The following MROH7 variants were observed in gnomAD, a reference collection of about 807,000 sequenced individuals.
The protein encoded by MROH7 is maestro heat-like repeat-containing protein family member 7.
MROH7 carries 113 observed loss-of-function variants against 129.2 expected under a neutral mutation model. The ratio of observed to expected loss-of-function variants is 0.87; its 90% CI spans 0.75 to 1.02. The LOEUF is 1.02. Among genes scored for constraint, MROH7 ranks in the 50% least tolerant of loss-of-function variants. The pLI, the probability that MROH7 is intolerant of heterozygous loss-of-function variation, is 0.00. For missense variants in MROH7, 1,601 were observed against 1,671.3 expected, an observed-to-expected ratio of 0.96 and a Z score of 0.73; for synonymous variants, 655 against 667.9, an observed-to-expected ratio of 0.98 and a Z score of 0.30.
intron 8 of MROH7, 55 bp from the exon 9 acceptor site, chr1:54,673,646 G>A: frequency 7.2e-7 from 1 of 1,382,524 alleles, no homozygotes; most frequent in Non-Finnish European, 1.0e-6. Flanking sequence ...TGTCCACCCA[G>A]CAGCAGGGGC....
At chr1:54,701,382 TG>T in intron 19 of MROH7, 60 bp downstream of exon 19, 1 of 1,424,016 alleles carries the variant, frequency 7.0e-7, no homozygotes. Context: ...TTTACTACCT[TG>T]GGGGCTGCAT....
In MROH7 at chr1:54,699,159, T is replaced by TTTCTTTCTTTTCTTTC. The variant is rs71048705; in HGVS notation, c.2965-1160_2965-1159insCTTTCTTTTCTTTCTT. 4.1e-3 allele frequency: 271 copies of TTTCTTTCTTTTCTTTC among 65,838 alleles called. 1 individual carries two copies. Among genetic ancestry groups the TTTCTTTCTTTTCTTTC allele is most frequent in the Middle Eastern group, 0.019 (2 of 106 alleles). 4.1% of individuals were successfully genotyped at this position (65,838 alleles called of 1,614,324 possible). ...CTTTCTTTCTTTCTTTCTTTCTTTCTTTTCTTTCTTTCTTTCTTTCTTTCT... is the reference window on the plus strand; with the variant it reads ...CTTTCTTTCTTTCTTTCTTTCTTTCTTTCTTTCTTTTCTTTCTTTCTTTCTTTCTTTCTTTCTTTCT... On this transcript the variant is annotated intron_variant, in intron 17 of 23. Transcript: ENST00000421030.
chr1:54,688,674 G>A (rs1016525768), intron 15 of MROH7, among the ~76,000 whole-genome samples: 2 of 152,172 alleles, frequency 1.3e-5, no homozygotes, highest in African/African-American at 2.4e-5. Context: ...AGATAGGGTC[G>A]CATCCCAGCA....
Position 54,703,647 on chromosome 1 carries a change from T to TAC in MROH7, c.3564+916_3564+917dup, listed in dbSNP as rs762039993. ...AGCCGCGTGCATGTGCGCGCGCGCA[T>TAC]ACACACACACACACAAGCACAACTC... On this transcript the variant is annotated intron_variant, in intron 21 of 23. Transcript: ENST00000421030. This position sits in a 1 kb window ranked among gnomAD's most constrained non-coding sequence, Gnocchi z 4.4. 6.1e-4 allele frequency among the ~76,000 whole-genome samples: 92 copies of TAC among 151,658 alleles called. No individual in the cohort carries two copies. The highest frequency in any genetic ancestry group is 1.4e-3 in the Admixed American group (22 of 15,224).
At chr1:54,707,551 G>A (rs906391646) in intron 22 of MROH7, among the ~76,000 whole-genome samples, 1 of 152,176 alleles carries the variant, frequency 6.6e-6, no homozygotes, top group Non-Finnish European at 1.5e-5. Flanking sequence ...GAAGAAAAAT[G>A]CTCAGGACTG....
At chr1:54,681,628 G>C (rs1482311475) in intron 13 of MROH7, among the ~76,000 whole-genome samples, 1 of 152,206 alleles carries the variant, frequency 6.6e-6, no homozygotes, top group Non-Finnish European at 1.5e-5. Flanking sequence ...AAGGGGAAAG[G>C]TTTTTGTTAA....
At chr1:54,673,214 G>A (rs1284721791) in intron 8 of MROH7, 28 bp downstream of exon 8, 4 of 1,556,532 alleles carry the variant, frequency 2.6e-6, no homozygotes, top group Non-Finnish European at 2.7e-6. Flanking sequence ...GCAAGGAAGG[G>A]AGGGGAGGAA....
At chr1:54,659,598 C>T (rs534868690) in intron 3 of MROH7, among the ~76,000 whole-genome samples, 112 of 152,198 alleles carry the variant, frequency 7.4e-4, no homozygotes, top group African/African-American at 2.2e-3. Context: ...GAATTACAGG[C>T]GCTAGCCACC....
intron 4 of MROH7, 146 bp from the exon 5 acceptor site, chr1:54,668,708 C>G: frequency 1.6e-6 from 1 of 623,920 alleles, no homozygotes; most frequent in Non-Finnish European, 2.9e-6. Flanking sequence ...ACCCCAAGCT[C>G]CCCTTGTGGG....
Position 54,653,207 on chromosome 1 carries a change from TCCAGATCA to T in MROH7, c.286_293del (p.Ile96PhefsTer5), listed in dbSNP as rs764535178. On this transcript the variant is annotated frameshift_variant, in exon 3 of 24. Transcript: ENST00000421030. LOFTEE classifies it high-confidence loss of function. The stretch of plus-strand genomic sequence containing the variant: ...AGCAGAGCTATCGCTCCAGCCTCCC[TCCAGATCA>T]CCAGTTCTTGTTCTGGTGAAGCCCT... 3.1e-6 allele frequency: 5 copies of T among 1,614,130 alleles called. No individual in the cohort carries two copies. The highest frequency in any genetic ancestry group is 3.4e-6 in the Non-Finnish European group (4 of 1,180,014).
At chr1:54,642,119 A>G (rs1644397648) in intron 1 of MROH7, among the ~76,000 whole-genome samples, 151 bp downstream of exon 1, 1 of 152,164 alleles carries the variant, frequency 6.6e-6, no homozygotes, top group Non-Finnish European at 1.5e-5. Flanking sequence ...TGGGGAAAGA[A>G]GAGTCTTGGA....
chr1:54,709,712 T>C (rs1645593319), intron 23 of MROH7, among the ~76,000 whole-genome samples: 1 of 151,972 alleles, frequency 6.6e-6, no homozygotes, highest in Non-Finnish European at 1.5e-5. Flanking sequence ...CCAAGGAATA[T>C]GATGAAAGCA....
In MROH7 at chr1:54,654,245, G is replaced by T. The variant is rs79893281; in HGVS notation, c.1231+88G>T. Reference sequence around the variant, plus strand: ...TTAGGGCAGGGAGAGGAGAAGGAAGGAAGGGGACAGCAGGCAGTTGATAAC... The same window carrying T: ...TTAGGGCAGGGAGAGGAGAAGGAAGTAAGGGGACAGCAGGCAGTTGATAAC... On this transcript the variant is annotated intron_variant, in intron 3 of 23. Coordinates refer to ENST00000421030, the MANE Select transcript of MROH7 (RefSeq NM_001039464.4). 1.2e-3 allele frequency: 1,611 copies of T among 1,298,886 alleles called. 56 individuals are homozygous for T. The East Asian group carries it at 0.04, about 32-fold the overall frequency. The allele number at this position is 1,298,886 out of a possible 1,614,324, so 80.5% of individuals were successfully genotyped here.
chr1:54,659,748 C>T (rs553147602), intron 3 of MROH7, among the ~76,000 whole-genome samples: 8 of 152,228 alleles, frequency 5.3e-5, no homozygotes, highest in East Asian at 3.9e-4. Context: ...CCACTGTGCC[C>T]GGCTGTACTT....
chr1:54,695,546 G>A (rs779035421), intron 17 of MROH7, 56 bp downstream of exon 17: 7 of 1,071,730 alleles, frequency 6.5e-6, no homozygotes, highest in South Asian at 2.6e-5. Flanking sequence ...CTCGGTTCAC[G>A]TCACTGGTCA....
At chr1:54,685,836 G>A (rs1002229581) in intron 14 of MROH7, among the ~76,000 whole-genome samples, 4 of 152,118 alleles carry the variant, frequency 2.6e-5, no homozygotes, top group Non-Finnish European at 5.9e-5. Flanking sequence ...GGCACAGCAC[G>A]CTATAGTTGG....
intron 10 of MROH7, among the ~76,000 whole-genome samples, chr1:54,676,772 G>C (rs796336650): frequency 6.7e-6 from 1 of 150,080 alleles, no homozygotes; most frequent in African/African-American, 2.5e-5. Context: ...GCAGTGGTGC[G>C]ATCTCAGCTC....
At chr1:54,692,607 G>T in intron 16 of MROH7, 46 bp downstream of exon 16, 1 of 1,589,612 alleles carries the variant, frequency 6.3e-7, no homozygotes. Context: ...GGGAGAAAGA[G>T]GGGGACCTCA....
At chr1:54,658,694 T>A (rs1402570798) in intron 3 of MROH7, among the ~76,000 whole-genome samples, 1 of 152,070 alleles carries the variant, frequency 6.6e-6, no homozygotes, top group Non-Finnish European at 1.5e-5. Flanking sequence ...CTTGTGTCCC[T>A]TTCCAATCAA....
Sources: allele counts gnomAD v4.1 joint callset (sites outside exome capture counted in the v4.1 genomes callset), GRCh38; gene constraint gnomAD v4.1.1; non-coding constraint Gnocchi (gnomAD v3.1); transcripts MANE v1.5; gene names NCBI Gene and HGNC (gene_info 2026-07-23, HGNC 2026-07-21).